MX2: variants seen among roughly 807,000 people sequenced by gnomAD.
MX2 encodes the protein interferon-induced GTP-binding protein Mx2.
In MX2, 51 loss-of-function variants were observed where a neutral mutation model predicts 74.0. The observed-to-expected ratio is 0.69, with a 90% CI of 0.55 to 0.87. The LOEUF (loss-of-function observed/expected upper bound fraction) is 0.87, where lower values mean the gene tolerates loss of function less well. Ranked by LOEUF, MX2 falls within the 40% of genes least tolerant of loss-of-function variation. The pLI is 0.00. For missense variants in MX2, 832 were observed against 908.7 expected, an observed-to-expected ratio of 0.92 and a Z score of 1.09; for synonymous variants, 369 against 339.3, an observed-to-expected ratio of 1.09 and a Z score of -0.96.
chr21:41,397,025 T>C (rs760137897), intron 7 of MX2, among the ~76,000 whole-genome samples: 2 of 152,196 alleles, frequency 1.3e-5, no homozygotes, highest in Non-Finnish European at 2.9e-5. Flanking sequence ...AATCCTTGCA[T>C]GCCTGCTTGC....
intron 6 of MX2, among the ~76,000 whole-genome samples, chr21:41,392,557 G>A (rs1436561223): frequency 1.3e-5 from 2 of 152,172 alleles, no homozygotes; most frequent in Non-Finnish European, 2.9e-5. Flanking sequence ...GCTTTAGTTT[G>A]GGAAGATGAA....
At chr21:41,373,219 A>C (rs367815297) in intron 1 of MX2, among the ~76,000 whole-genome samples, 6 of 152,332 alleles carry the variant, frequency 3.9e-5, no homozygotes, top group African/African-American at 1.4e-4. Context: ...AGAGTGGATG[A>C]AGACTCACAT....
chr21:41,388,449 G>A lies in MX2; in HGVS notation c.733-2116G>A, dbSNP rs2089611579. Among the ~76,000 whole-genome samples the A allele has an allele frequency of 1.3e-5, 2 of 152,130 alleles. No homozygotes were observed. The highest frequency in any genetic ancestry group is 2.4e-5 in the African/African-American group (1 of 41,414). On this transcript the variant is annotated intron_variant, in intron 5 of 13. Transcript: ENST00000330714. The surrounding 1 kb of genome is among the most constrained non-coding windows in gnomAD (Gnocchi z 4.0). Reference sequence around the variant, plus strand: ...GCAGAGGGCATCCTTCATTCCTCGCGGGTTTCTGCTGCAAGGCTGCCCTAC... The same window carrying A: ...GCAGAGGGCATCCTTCATTCCTCGCAGGTTTCTGCTGCAAGGCTGCCCTAC...
At chr21:41,404,539 A>G (rs1286120331) in intron 12 of MX2, 1 of 152,216 alleles carries the variant, frequency 6.6e-6, no homozygotes, top group African/African-American at 2.4e-5. Flanking sequence ...GTTTAGGGGA[A>G]CTTCAGTATT....
intron 1 of MX2, among the ~76,000 whole-genome samples, chr21:41,371,981 G>A (rs763967650): frequency 6.6e-6 from 1 of 152,170 alleles, no homozygotes; most frequent in Non-Finnish European, 1.5e-5. Flanking sequence ...GATTGATTTT[G>A]TATTTTGCGA....
At chr21:41,383,408 C>T (rs927637736) in intron 5 of MX2, among the ~76,000 whole-genome samples, 4 of 152,216 alleles carry the variant, frequency 2.6e-5, no homozygotes, top group Non-Finnish European at 5.9e-5. Context: ...ACATAGTCCT[C>T]GCTCAGGTGC....
intron 6 of MX2, among the ~76,000 whole-genome samples, chr21:41,393,140 GA>G (rs2089685889): frequency 3.7e-5 from 4 of 107,184 alleles, no homozygotes; most frequent in East Asian, 2.6e-4. Flanking sequence ...AAGAAAGAAA[GA>G]AAAGAAAAAA....
At chr21:41,390,409 C>T in intron 5 of MX2, 156 bp from the exon 6 acceptor site, 6 of 1,041,088 alleles carry the variant, frequency 5.8e-6, no homozygotes, top group Non-Finnish European at 8.6e-6. Context: ...GCCGCCGGGG[C>T]AGGCATTCCC....
intron 5 of MX2, among the ~76,000 whole-genome samples, chr21:41,386,241 A>C (rs1033606765): frequency 5.3e-5 from 8 of 150,896 alleles, no homozygotes; most frequent in South Asian, 2.1e-4. Flanking sequence ...AAAAAAAAAA[A>C]AAAAAAAACA....
At chr21:41,387,359 A>T (rs1306323517) in intron 5 of MX2, among the ~76,000 whole-genome samples, 1 of 152,136 alleles carries the variant, frequency 6.6e-6, no homozygotes, top group Non-Finnish European at 1.5e-5. Flanking sequence ...GTCTCCCCAG[A>T]CTGTCCCTGT....
At chr21:41,393,524 A>G (rs1244985708) in intron 6 of MX2, among the ~76,000 whole-genome samples, 3 of 148,036 alleles carry the variant, frequency 2.0e-5, no homozygotes, top group Admixed American at 2.0e-4. Context: ...TTCCTCCACC[A>G]TTCTCTCTCT....
rs753538700 is a variant in MX2 at position 41,388,323 on chromosome 21, C to T, written c.733-2242C>T. Among the ~76,000 whole-genome samples, 11 of 152,244 alleles carry T rather than the reference C, an allele frequency of 7.2e-5. No individual in the cohort carries two copies. The highest frequency in any genetic ancestry group is 2.2e-4 in the African/African-American group (9 of 41,470). ...GCCCCTCGCTCCACCCTACCACATC[C>T]GGGTTCTGCGGCCCTTGGTCCCTCT... On this transcript the variant is annotated intron_variant, in intron 5 of 13. Coordinates refer to ENST00000330714, the MANE Select transcript of MX2 (RefSeq NM_002463.2). This position sits in a 1 kb window ranked among gnomAD's most constrained non-coding sequence, Gnocchi z 4.0.
chr21:41,368,200 T>A lies in MX2; in HGVS notation c.-72+6145T>A, dbSNP rs762525170. Among the ~76,000 whole-genome samples, 4 of 152,176 alleles carry A rather than the reference T, an allele frequency of 2.6e-5. No homozygotes were observed. The highest frequency in any genetic ancestry group is 5.9e-5 in the Non-Finnish European group (4 of 68,040). On this transcript the variant is annotated intron_variant, in intron 1 of 13. Transcript: ENST00000330714. The surrounding 1 kb of genome is among the most constrained non-coding windows in gnomAD (Gnocchi z 4.6). Reference sequence around the variant, plus strand: ...CCCCCCACTTTCATTCCCTCCTGCCTCTGTGCATAGCCCAAGTCCCACCTG... The same window carrying A: ...CCCCCCACTTTCATTCCCTCCTGCCACTGTGCATAGCCCAAGTCCCACCTG...
At chr21:41,365,391 C>T (rs751799710) in intron 1 of MX2, 2 of 152,192 alleles carry the variant, frequency 1.3e-5, no homozygotes, top group African/African-American at 2.4e-5. Context: ...ACCCTCTACC[C>T]TTGAGTAGGC....
chr21:41,391,789 CTTTTT>C (rs80000028), intron 6 of MX2, among the ~76,000 whole-genome samples: 3 of 141,594 alleles, frequency 2.1e-5, no homozygotes, highest in Admixed American at 7.0e-5. Context: ...TTTTCTTTTT[CTTTTT>C]TTTTTTTTTA....
intron 13 of MX2, 75 bp from the exon 14 acceptor site, chr21:41,407,916 T>C: frequency 6.3e-7 from 1 of 1,581,742 alleles, no homozygotes; most frequent in Non-Finnish European, 8.6e-7. Flanking sequence ...ATCCAGGAAC[T>C]CCATGCCTTC....
rs1311701662 is a variant in MX2, at chr21:41,368,766, G to A, written c.-72+6711G>A. Among the ~76,000 whole-genome samples the A allele has an allele frequency of 6.6e-6, 1 of 152,226 alleles. No individual in the cohort carries two copies. The highest frequency in any genetic ancestry group is 6.5e-5 in the Admixed American group (1 of 15,288). On this transcript the variant is annotated intron_variant, in intron 1 of 13. Coordinates refer to ENST00000330714, the MANE Select transcript of MX2 (RefSeq NM_002463.2). The surrounding 1 kb of genome is among the most constrained non-coding windows in gnomAD (Gnocchi z 4.6). ...TCTTTCTTCCCATGGAGAGGAAGAA[G>A]TTGAGGCTGAGTTATCACCTCCCAT...
At chr21:41,393,210 TTATAA>T (rs1250366179) in intron 6 of MX2, among the ~76,000 whole-genome samples, 1 of 150,934 alleles carries the variant, frequency 6.6e-6, no homozygotes, top group Non-Finnish European at 1.5e-5. Context: ...GCAAATTTGA[TTATAA>T]TATAACAGTG....
At position 41,395,673 on chromosome 21, in the gene MX2, A is replaced by G; in HGVS notation, c.958A>G (p.Lys320Glu). The G allele has an allele frequency of 6.2e-7, 1 of 1,614,206 alleles. No homozygotes were observed. Among genetic ancestry groups the G allele is most frequent in the South Asian group, 1.1e-5 (1 of 91,078 alleles). Reference sequence around the variant, plus strand: ...GCGGAACCTCACGTACCCCCTCAAGAAGGGCTACATGATTGTGAAGTGCCG... The same window carrying G: ...GCGGAACCTCACGTACCCCCTCAAGGAGGGCTACATGATTGTGAAGTGCCG... ...VVRNLTYPLKKGYMIVKCRGQ... is the reference protein window; with the variant it reads ...VVRNLTYPLKEGYMIVKCRGQ... The change falls in exon 7 of 14, where the codon AAG becomes GAG. Residue 320 changes from lysine (K) to glutamate (E), a missense_variant. By Grantham distance (56) the Lys-to-Glu change is moderately conservative. Coordinates refer to ENST00000330714, the MANE Select transcript of MX2 (RefSeq NM_002463.2).
Sources: gnomAD v4.1 joint callset for allele counts (sites outside exome capture counted in the v4.1 genomes callset) on GRCh38, gnomAD v4.1.1 for gene constraint, Gnocchi (gnomAD v3.1) non-coding constraint, MANE v1.5 for transcripts, NCBI Gene and HGNC (gene_info 2026-07-23, HGNC 2026-07-21) for gene names.